The following CERS3 variants were observed in gnomAD, a reference collection of about 807,000 sequenced individuals.
CERS3 encodes the protein LAG1 homolog, ceramide synthase 3.
A neutral mutation model predicts 50.3 loss-of-function variants in CERS3; 33 were observed. The ratio of observed to expected loss-of-function variants is 0.66; its 90% CI spans 0.50 to 0.88. The LOEUF (loss-of-function observed/expected upper bound fraction) is 0.88, where lower values mean the gene tolerates loss of function less well. CERS3 is among the 40% of genes least tolerant of loss of function. The pLI, the probability that CERS3 is intolerant of heterozygous loss-of-function variation, is 0.00. For missense variants in CERS3, 470 were observed against 460.3 expected (o/e 1.02, Z -0.19); for synonymous variants, 176 against 155.2 (o/e 1.13, Z -0.99).
chr15:100,447,829 C>T (rs533932276), intron 11 of CERS3, among the ~76,000 whole-genome samples: 34 of 152,242 alleles, frequency 2.2e-4, no homozygotes, highest in African/African-American at 7.0e-4. Context: ...GGCTATTTCC[C>T]CTAAAGTCAG....
chr15:100,427,807 T>C (rs2032910071), intron 11 of CERS3, among the ~76,000 whole-genome samples: 1 of 152,230 alleles, frequency 6.6e-6, no homozygotes, highest in African/African-American at 2.4e-5. Context: ...AAAAGTTGTG[T>C]AGCTCAAACT....
chr15:100,500,145 T>C (rs546653051), intron 3 of CERS3: 1 of 152,322 alleles, frequency 6.6e-6, no homozygotes, highest in African/African-American at 2.4e-5. Context: ...ATGACCTCTC[T>C]CCCTGTTAAA....
intron 2 of CERS3, among the ~76,000 whole-genome samples, chr15:100,502,469 T>C (rs547349657): frequency 4.6e-5 from 7 of 152,274 alleles, no homozygotes; most frequent in African/African-American, 1.7e-4. Context: ...GTATTTTCTT[T>C]GTGTATGATT....
At chr15:100,491,948 A>C (rs149607149) in intron 3 of CERS3, among the ~76,000 whole-genome samples, 1 of 149,944 alleles carries the variant, frequency 6.7e-6, no homozygotes, top group South Asian at 2.1e-4. Context: ...CTGGTCTCCA[A>C]CTCCTAGTCT....
intron 4 of CERS3, among the ~76,000 whole-genome samples, chr15:100,488,068 T>C (rs953697686): frequency 6.6e-6 from 1 of 152,206 alleles, no homozygotes; most frequent in Non-Finnish European, 1.5e-5. Context: ...TTGTTCTTGA[T>C]ACGCACACAT....
chr15:100,442,598 T>C (rs969622484), intron 11 of CERS3, among the ~76,000 whole-genome samples: 40 of 152,186 alleles, frequency 2.6e-4, no homozygotes, highest in East Asian at 9.7e-4. Context: ...CAAGGAATGC[T>C]CGCAGCCTGG....
At chr15:100,494,773 G>GC (rs1283370747) in intron 3 of CERS3, among the ~76,000 whole-genome samples, 3 of 152,206 alleles carry the variant, frequency 2.0e-5, no homozygotes, top group Non-Finnish European at 2.9e-5. Context: ...TTTGCACAGA[G>GC]CCTAAAGGTC....
upstream of CERS3, among the ~76,000 whole-genome samples, chr15:100,531,710 G>A (rs980596599): frequency 3.9e-5 from 6 of 152,192 alleles, no homozygotes; most frequent in Non-Finnish European, 5.9e-5. Context: ...GCATGCACGT[G>A]GGTATCATTT....
At chr15:100,466,765 C>T (rs1431500951) in intron 10 of CERS3, among the ~76,000 whole-genome samples, 76 of 23,072 alleles carry the variant, frequency 3.3e-3, no homozygotes, top group African/African-American at 5.6e-3. Flanking sequence ...TCCTTCCTTC[C>T]TTCCTTCCTT....
intron 10 of CERS3, among the ~76,000 whole-genome samples, chr15:100,467,141 C>A (rs545400340): frequency 6.6e-6 from 1 of 152,122 alleles, no homozygotes; most frequent in Non-Finnish European, 1.5e-5. Context: ...AGGCGTGAGC[C>A]ACTGCACCTA....
At chr15:100,409,053 T>C (rs1406941224) in intron 11 of CERS3, among the ~76,000 whole-genome samples, 2 of 152,080 alleles carry the variant, frequency 1.3e-5, no homozygotes, top group South Asian at 2.1e-4. Flanking sequence ...GCTGCACAAA[T>C]ACTTGATGAG....
At chr15:100,492,314 C>T (rs2142302561) in intron 3 of CERS3, among the ~76,000 whole-genome samples, 1 of 152,254 alleles carries the variant, frequency 6.6e-6, no homozygotes, top group East Asian at 1.9e-4. Flanking sequence ...AAGTTTACAA[C>T]TATTATTGTT....
intron 10 of CERS3, among the ~76,000 whole-genome samples, chr15:100,461,965 G>A (rs572437972): frequency 3.9e-5 from 6 of 152,166 alleles, no homozygotes; most frequent in East Asian, 1.9e-4. Flanking sequence ...CTCCTTCTAC[G>A]CTAAAAGAAG....
chr15:100,469,287 G>A (rs774824203), intron 10 of CERS3, 91 bp downstream of exon 10: 35 of 842,520 alleles, frequency 4.2e-5, no homozygotes, highest in South Asian at 1.3e-4. Flanking sequence ...GGAGACCCAC[G>A]TATGGAAAGG....
At chr15:100,406,979 C>T (rs1218954335) in intron 11 of CERS3, among the ~76,000 whole-genome samples, 1 of 152,172 alleles carries the variant, frequency 6.6e-6, no homozygotes, top group Non-Finnish European at 1.5e-5. Context: ...CTCTTTTTGA[C>T]ACCATCAGAT....
chr15:100,441,896 C>T (rs1347997920), intron 11 of CERS3, among the ~76,000 whole-genome samples: 2 of 151,960 alleles, frequency 1.3e-5, no homozygotes, highest in African/African-American at 2.4e-5. Flanking sequence ...GTCGCTGAGT[C>T]TTTCTAATCT....
At chr15:100,471,610 G>A (rs1295701299) in intron 9 of CERS3, among the ~76,000 whole-genome samples, 3 of 152,142 alleles carry the variant, frequency 2.0e-5, no homozygotes, top group South Asian at 4.1e-4. Flanking sequence ...ACTGAGATAC[G>A]ATCAGAGAAG....
chr15:100,485,731 G>C (rs2035464655), intron 4 of CERS3, among the ~76,000 whole-genome samples: 1 of 152,102 alleles, frequency 6.6e-6, no homozygotes. Context: ...GGGCGTGGTG[G>C]TGGGCTCCTG....
chr15:100,416,165 C>T (rs2031889954), intron 11 of CERS3, among the ~76,000 whole-genome samples: 1 of 151,970 alleles, frequency 6.6e-6, no homozygotes, highest in African/African-American at 2.4e-5. Context: ...AAAAAGAGCC[C>T]CCAAATAGCC....
Sources: allele counts gnomAD v4.1 joint callset (sites outside exome capture counted in the v4.1 genomes callset), GRCh38; gene constraint gnomAD v4.1.1; transcripts MANE v1.5; gene names NCBI Gene and HGNC (gene_info 2026-07-23, HGNC 2026-07-21).